The following SLC4A7 variants were observed in gnomAD, a reference collection of about 807,000 sequenced individuals.
SLC4A7 encodes sodium bicarbonate cotransporter 3.
A neutral mutation model predicts 137.6 loss-of-function variants in SLC4A7; 51 were observed. That is an observed-to-expected ratio of 0.37 (90% CI 0.30 to 0.47). SLC4A7 has a LOEUF of 0.47. Among genes scored for constraint, SLC4A7 ranks in the 20% least tolerant of loss-of-function variants. The pLI is 1.00. For missense variants in SLC4A7, 1,247 were observed against 1,525.4 expected, an observed-to-expected ratio of 0.82 and a Z score of 3.04; for synonymous variants, 542 against 518.6, an observed-to-expected ratio of 1.05 and a Z score of -0.61.
At chr3:27,476,091 T>C (rs1186971360) in intron 1 of SLC4A7, among the ~76,000 whole-genome samples, 1 of 152,218 alleles carries the variant, frequency 6.6e-6, no homozygotes, top group African/African-American at 2.4e-5. Flanking sequence ...TAATCATATA[T>C]ATCAAAAGTC....
intron 10 of SLC4A7, 61 bp downstream of exon 10, chr3:27,420,639 T>A: frequency 9.6e-7 from 1 of 1,043,776 alleles, no homozygotes; most frequent in Non-Finnish European, 1.5e-6. Flanking sequence ...TGTAATCTAA[T>A]ATATACTATA....
chr3:27,451,254 A>G (rs1170205660), intron 2 of SLC4A7, among the ~76,000 whole-genome samples: 1 of 152,118 alleles, frequency 6.6e-6, no homozygotes, highest in Non-Finnish European at 1.5e-5. Flanking sequence ...AAAATAAACA[A>G]TAACTCAATA....
At chr3:27,443,194 C>T (rs2057352014) in intron 3 of SLC4A7, among the ~76,000 whole-genome samples, 1 of 151,716 alleles carries the variant, frequency 6.6e-6, no homozygotes, top group Non-Finnish European at 1.5e-5. Context: ...AAACGCCTGG[C>T]TAATTTTTTA....
chr3:27,396,972 T>C (rs975331369), intron 18 of SLC4A7, among the ~76,000 whole-genome samples: 1 of 152,170 alleles, frequency 6.6e-6, no homozygotes, highest in Non-Finnish European at 1.5e-5. Flanking sequence ...TCAGATATAC[T>C]ACCCTTCTAG....
At chr3:27,377,540 G>T (rs2050019030) in intron 25 of SLC4A7, among the ~76,000 whole-genome samples, 1 of 152,028 alleles carries the variant, frequency 6.6e-6, no homozygotes, top group Non-Finnish European at 1.5e-5. Flanking sequence ...TTACAGGCAT[G>T]CACCACCATG....
chr3:27,480,602 A>G (rs953013605), intron 1 of SLC4A7, among the ~76,000 whole-genome samples: 5 of 152,080 alleles, frequency 3.3e-5, no homozygotes, highest in African/African-American at 4.8e-5. Context: ...GATACTTAGA[A>G]TAAGGCAAAA....
intron 13 of SLC4A7, among the ~76,000 whole-genome samples, chr3:27,407,246 C>G (rs2053462276): frequency 6.6e-6 from 1 of 151,600 alleles, no homozygotes; most frequent in East Asian, 1.9e-4. Flanking sequence ...CTTTGGGAGG[C>G]TGAGGTGGGC....
At chr3:27,438,838 A>C (rs977426511) in intron 3 of SLC4A7, among the ~76,000 whole-genome samples, 6 of 152,222 alleles carry the variant, frequency 3.9e-5, no homozygotes, top group Non-Finnish European at 7.3e-5. Flanking sequence ...AACTATACAG[A>C]AACTGTCTTT....
At chr3:27,466,610 C>G (rs567360834) in intron 1 of SLC4A7, among the ~76,000 whole-genome samples, 272 of 152,052 alleles carry the variant, frequency 1.8e-3, no homozygotes, top group Middle Eastern at 6.8e-3. Context: ...GGTGGATCAC[C>G]TGAGGTCAGG....
In SLC4A7 at chr3:27,455,659, C is replaced by T. The variant is rs140117689; in HGVS notation, c.61-3161G>A. 9.4e-3 allele frequency among the ~76,000 whole-genome samples: 1,375 copies of T among 146,688 alleles called. 11 individuals are homozygous for T. Among genetic ancestry groups the T allele is most frequent in the Middle Eastern group, 0.033 (9 of 272 alleles). On this transcript the variant is annotated intron_variant, in intron 1 of 25. Transcript: ENST00000454389. ...TTGGGAGGCCGAAGCAGGCAGATCACTTGAGGTCAGGAGTTCAAGACCAGC... is the reference window on the plus strand; with the variant it reads ...TTGGGAGGCCGAAGCAGGCAGATCATTTGAGGTCAGGAGTTCAAGACCAGC...
chr3:27,410,266 A>G (rs2053775876), intron 12 of SLC4A7, among the ~76,000 whole-genome samples: 1 of 152,196 alleles, frequency 6.6e-6, no homozygotes, highest in South Asian at 2.1e-4. Context: ...TATAAGCTCC[A>G]TGAGGGGAGA....
At chr3:27,459,117 T>C (rs1333288544) in intron 1 of SLC4A7, among the ~76,000 whole-genome samples, 1 of 152,168 alleles carries the variant, frequency 6.6e-6, no homozygotes, top group Non-Finnish European at 1.5e-5. Flanking sequence ...GCACATGTCC[T>C]TTCCTCCCCC....
At chr3:27,482,227 T>C (rs1478619347) in intron 1 of SLC4A7, among the ~76,000 whole-genome samples, 1 of 152,170 alleles carries the variant, frequency 6.6e-6, no homozygotes, top group Non-Finnish European at 1.5e-5. Flanking sequence ...GCATAAACAC[T>C]AGTCTAAATA....
Position 27,424,081 on chromosome 3 carries a change from C to T in SLC4A7, c.1222G>A (p.Gly408Arg), listed in dbSNP as rs1347226452. ...NSKSGEIKGNGSGGSRENSTV... is the reference protein window; with the variant it reads ...NSKSGEIKGNRSGGSRENSTV... ...CTATTTTCTCTGCTTCCACCACTTC[C>T]ATTACCTTTAATTTCTCCACTTTTA... The change falls in exon 8 of 26, where the codon GGA becomes AGA. Residue 408 changes from glycine to arginine, a missense_variant. This residue lies in a region of SLC4A7 where 499 missense variants were observed against 664.2 expected (regional missense o/e 0.75). Coordinates refer to ENST00000454389, the MANE Select transcript of SLC4A7 (RefSeq NM_001321103.2). The T allele has an allele frequency of 6.2e-7, 1 of 1,611,734 alleles. No homozygotes were observed. Among genetic ancestry groups the T allele is most frequent in the Admixed American group, 1.7e-5 (1 of 59,836 alleles).
chr3:27,421,457 C>G (rs2054971033), intron 9 of SLC4A7, among the ~76,000 whole-genome samples, 165 bp downstream of exon 9: 1 of 152,148 alleles, frequency 6.6e-6, no homozygotes, highest in Non-Finnish European at 1.5e-5. Flanking sequence ...AATTGTGCCA[C>G]TGCACTCCAG....
At chr3:27,443,557 A>G (rs570748071) in intron 3 of SLC4A7, among the ~76,000 whole-genome samples, 46 of 151,876 alleles carry the variant, frequency 3.0e-4, no homozygotes, top group Non-Finnish European at 5.3e-4. Context: ...CCTCCTTACA[A>G]TGTGCCCTAT....
intron 7 of SLC4A7, chr3:27,424,390 G>A (rs926513809): frequency 1.6e-5 from 5 of 317,058 alleles, no homozygotes; most frequent in African/African-American, 8.6e-5. Flanking sequence ...AAAAATTGTG[G>A]CCTTTTGCAA....
At chr3:27,483,987 C>G in intron 1 of SLC4A7, 80 bp downstream of exon 1, 1 of 1,133,686 alleles carries the variant, frequency 8.8e-7, no homozygotes, top group Non-Finnish European at 1.1e-6. Flanking sequence ...AGCCGCGACG[C>G]CCGCCGCGCC....
At chr3:27,457,420 C>G (rs917529021) in intron 1 of SLC4A7, among the ~76,000 whole-genome samples, 1 of 152,096 alleles carries the variant, frequency 6.6e-6, no homozygotes, top group African/African-American at 2.4e-5. Flanking sequence ...TGCAGTCAAT[C>G]TGATGTGATC....
Sources: gnomAD v4.1 joint callset for allele counts (sites outside exome capture counted in the v4.1 genomes callset) on GRCh38, gnomAD v4.1.1 for gene constraint, gnomAD v4.1.1 regional missense constraint, MANE v1.5 for transcripts, NCBI Gene and HGNC (gene_info 2026-07-23, HGNC 2026-07-21) for gene names.